The following ENTPD5 variants were observed in gnomAD, a reference collection of about 807,000 sequenced individuals.
ENTPD5 encodes ectonucleoside triphosphate diphosphohydrolase 5 (inactive).
Under a neutral mutation model 60.2 loss-of-function variants are expected in ENTPD5, and 49 were observed. That is an observed-to-expected ratio of 0.81 (90% CI 0.65 to 1.03). The LOEUF (loss-of-function observed/expected upper bound fraction) is 1.03. ENTPD5 is among the 50% of genes least tolerant of loss of function. ENTPD5 has a pLI of 0.00. For missense variants in ENTPD5, 480 were observed against 507.6 expected (o/e 0.95, Z 0.52); for synonymous variants, 187 against 185.4 (o/e 1.01, Z -0.07).
At chr14:73,973,356 T>C (rs980375104) in intron 12 of ENTPD5, among the ~76,000 whole-genome samples, 11 of 152,240 alleles carry the variant, frequency 7.2e-5, no homozygotes, top group African/African-American at 2.7e-4. Context: ...TCAGGTTCAT[T>C]CCTTGATATT....
chr14:73,964,001 C>CT lies in ENTPD5; in HGVS notation c.*2926dup. Reference sequence around the variant, plus strand: ...GACAATGTCACAACCTTGCTGGAATCTCAGGAAAAAGAATTAAAGATGGCA... The same window carrying CT: ...GACAATGTCACAACCTTGCTGGAATCTTCAGGAAAAAGAATTAAAGATGGCA... On this transcript the variant is annotated 3_prime_UTR_variant, in exon 16 of 16. Coordinates refer to ENST00000334696, the MANE Select transcript of ENTPD5 (RefSeq NM_001249.5). 1 of 152,240 alleles carries CT rather than the reference C, an allele frequency of 6.6e-6. No homozygotes were observed. The highest frequency in any genetic ancestry group is 6.5e-5 in the Admixed American group (1 of 15,278). The allele number at this position is 152,240 out of a possible 1,614,324, so 9.4% of individuals were successfully genotyped here. A position where few individuals can be genotyped will look rare whatever the true frequency, so the allele number is the denominator to read the frequency against.
At chr14:73,994,730 C>CA (rs752400357) in intron 3 of ENTPD5, among the ~76,000 whole-genome samples, 43,290 of 123,000 alleles carry the variant, frequency 0.35, 7,932 homozygotes, top group Non-Finnish European at 0.45. Flanking sequence ...GACTCCATCT[C>CA]AAAAAAAAAA....
chr14:73,959,080 T>C, downstream of ENTPD5: 1 of 1,614,134 alleles, frequency 6.2e-7, no homozygotes, highest in Non-Finnish European at 8.5e-7. Context: ...TTATCAGAGG[T>C]AAGATCCTGA....
At chr14:73,968,521 G>A (rs973548906) in intron 15 of ENTPD5, among the ~76,000 whole-genome samples, 1 of 151,238 alleles carries the variant, frequency 6.6e-6, no homozygotes, top group Non-Finnish European at 1.5e-5. Flanking sequence ...TGCCTCCCAG[G>A]TTCAAGTGAT....
chr14:73,961,568 T>C, downstream of ENTPD5: 1 of 1,614,020 alleles, frequency 6.2e-7, no homozygotes, highest in South Asian at 1.1e-5. Flanking sequence ...GGGAAGGACT[T>C]AGGTAAGGAT....
intron 13 of ENTPD5, among the ~76,000 whole-genome samples, chr14:73,972,144 C>T (rs183384499): frequency 4.6e-4 from 66 of 144,314 alleles, no homozygotes; most frequent in Admixed American, 1.3e-3. Context: ...TTTGGGAGGC[C>T]GAGGAAGGCA....
intron 2 of ENTPD5, among the ~76,000 whole-genome samples, chr14:74,013,956 C>G (rs79451177): frequency 0.029 from 4,478 of 151,906 alleles, 223 homozygotes; most frequent in African/African-American, 0.1. Context: ...TTATGTTGTC[C>G]AGGCCGGTCT....
At chr14:74,018,878 G>A (rs2059157262) in intron 1 of ENTPD5, 1 of 152,598 alleles carries the variant, frequency 6.6e-6, no homozygotes. Context: ...ATCCCTTACA[G>A]AATCAGCAAG....
At chr14:73,955,828 C>T (rs1198088181), downstream of ENTPD5, 5 of 1,613,852 alleles carry the variant, frequency 3.1e-6, no homozygotes, top group Non-Finnish European at 2.5e-6. Context: ...GCTCAGAGGC[C>T]CTGATAATGT....
At chr14:73,997,168 C>G (rs2058364506) in intron 3 of ENTPD5, among the ~76,000 whole-genome samples, 1 of 151,992 alleles carries the variant, frequency 6.6e-6, no homozygotes, top group Admixed American at 6.6e-5. Flanking sequence ...CTGAGAACTT[C>G]AAGTATTAAC....
rs115525609 is a variant in ENTPD5, at chr14:73,993,174, C to G, written c.-70-5002G>C. ...CAACATGATGAAACCCCATCTCTACCAAAAGTACAAAAATTAGTTGGACGT... is the reference window on the plus strand; with the variant it reads ...CAACATGATGAAACCCCATCTCTACGAAAAGTACAAAAATTAGTTGGACGT... On this transcript the variant is annotated intron_variant, in intron 3 of 15. Coordinates refer to ENST00000334696, the MANE Select transcript of ENTPD5 (RefSeq NM_001249.5). Among the ~76,000 whole-genome samples the G allele has an allele frequency of 6.0e-3, 917 of 151,972 alleles. 11 individuals are homozygous for G. Among genetic ancestry groups the G allele is most frequent in the African/African-American group, 0.021 (888 of 41,432 alleles).
chr14:73,961,236 A>C (rs1019287413), downstream of ENTPD5: 3 of 1,614,152 alleles, frequency 1.9e-6, no homozygotes, highest in Non-Finnish European at 2.5e-6. Flanking sequence ...GTATGCTGTC[A>C]GCCTTCTGAA....
downstream of ENTPD5, chr14:73,960,411 C>T: frequency 1.0e-6 from 1 of 987,976 alleles, no homozygotes; most frequent in Non-Finnish European, 1.2e-6. Flanking sequence ...ACTTTTGGAG[C>T]CTAAATGACA....
intron 15 of ENTPD5, among the ~76,000 whole-genome samples, chr14:73,968,672 C>G (rs1005979154): frequency 3.4e-4 from 52 of 151,962 alleles, no homozygotes; most frequent in African/African-American, 1.2e-3. Context: ...GTGATCCGCC[C>G]GCCTCAGCCT....
At position 73,965,182 on chromosome 14, in the gene ENTPD5, T is replaced by C. The variant is rs1214808616; in HGVS notation, c.*1746A>G. On this transcript the variant is annotated 3_prime_UTR_variant, in exon 16 of 16. Coordinates refer to ENST00000334696, the MANE Select transcript of ENTPD5 (RefSeq NM_001249.5). ...ACTTGCACACAGCAGATGGTAAATA[T>C]TTATTGACTCAATGGAGTAATGTTA... The C allele has an allele frequency of 6.6e-6, 1 of 152,188 alleles. No homozygotes were observed. Among genetic ancestry groups the C allele is most frequent in the Non-Finnish European group, 1.5e-5 (1 of 68,030 alleles). 9.4% of individuals were successfully genotyped at this position (152,188 alleles called of 1,614,324 possible). A position where few individuals can be genotyped will look rare whatever the true frequency, so the allele number is the denominator to read the frequency against.
chr14:74,014,386 C>T (rs371886466), intron 2 of ENTPD5, among the ~76,000 whole-genome samples: 1 of 149,124 alleles, frequency 6.7e-6, no homozygotes, highest in Non-Finnish European at 1.5e-5. Context: ...TTACTCCCCC[C>T]CCCCACAAAA....
At chr14:73,991,597 A>C (rs1390616015) in intron 3 of ENTPD5, among the ~76,000 whole-genome samples, 4 of 135,894 alleles carry the variant, frequency 2.9e-5, no homozygotes, top group South Asian at 2.5e-4. Flanking sequence ...TAAAAAAAAA[A>C]AAACAATAAC....
At chr14:73,980,776 A>C (rs1055522362) in intron 6 of ENTPD5, among the ~76,000 whole-genome samples, 3 of 152,228 alleles carry the variant, frequency 2.0e-5, no homozygotes, top group African/African-American at 7.2e-5. Flanking sequence ...TGTTTATTGC[A>C]TAACAAATAT....
At position 73,973,108 on chromosome 14, in the gene ENTPD5, T is replaced by C. The variant is rs2057299228; in HGVS notation, c.887-84A>G. 6.7e-6 allele frequency: 10 copies of C among 1,503,572 alleles called. No individual in the cohort carries two copies. The East Asian group carries it at 1.4e-4, about 20-fold the overall frequency. The allele number at this position is 1,503,572 out of a possible 1,614,324, so 93.1% of individuals were successfully genotyped here. A position where few individuals can be genotyped will look rare whatever the true frequency, so the allele number is the denominator to read the frequency against. On this transcript the variant is annotated intron_variant, in intron 12 of 15. Transcript: ENST00000334696. Reference sequence around the variant, plus strand: ...CTCTGAGGCAGGCTGCTGGAGACAATGAGGGAACAGCAGGAAGGTCAAGGA... The same window carrying C: ...CTCTGAGGCAGGCTGCTGGAGACAACGAGGGAACAGCAGGAAGGTCAAGGA...
Sources: allele counts gnomAD v4.1 joint callset (sites outside exome capture counted in the v4.1 genomes callset), GRCh38; gene constraint gnomAD v4.1.1; transcripts MANE v1.5; gene names NCBI Gene and HGNC (gene_info 2026-07-23, HGNC 2026-07-21).